F2RL1: variants seen among roughly 807,000 people sequenced by gnomAD.
F2RL1 encodes the protein proteinase-activated receptor 2.
In F2RL1, 16 loss-of-function variants were observed where a neutral mutation model predicts 21.7. The observed-to-expected ratio is 0.74, with a 90% confidence interval of 0.50 to 1.12. F2RL1 has a LOEUF of 1.12. Among genes scored for constraint, F2RL1 ranks in the 50% most tolerant of loss-of-function variants. The pLI is 0.00. For synonymous variants in F2RL1, 181 were observed against 186.7 expected, an observed-to-expected ratio of 0.97 and a Z score of 0.25; for missense variants, 432 against 477.8, an observed-to-expected ratio of 0.90 and a Z score of 0.89.
At chr5:76,821,720 C>G (rs377501621) in intron 1 of F2RL1, among the ~76,000 whole-genome samples, 1 of 151,526 alleles carries the variant, frequency 6.6e-6, no homozygotes, top group African/African-American at 2.4e-5. Context: ...GCTGGGACGA[C>G]AGGCACGCAC....
At chr5:76,832,633 G>T (rs1441914703) in intron 1 of F2RL1, 57 bp from the exon 2 acceptor site, 4 of 1,466,332 alleles carry the variant, frequency 2.7e-6, no homozygotes, top group Non-Finnish European at 2.8e-6. Context: ...GAACAAACCA[G>T]TGTTACTGCT....
intron 1 of F2RL1, among the ~76,000 whole-genome samples, chr5:76,823,540 A>C (rs2243026): frequency 6.6e-6 from 1 of 151,390 alleles, no homozygotes; most frequent in Non-Finnish European, 1.5e-5. Context: ...CAACACCTCC[A>C]GCTAATTTTT....
intron 1 of F2RL1, among the ~76,000 whole-genome samples, chr5:76,819,608 G>A (rs1222635498): frequency 1.3e-5 from 2 of 152,160 alleles, no homozygotes; most frequent in African/African-American, 4.8e-5. Flanking sequence ...TGTCTAAAGG[G>A]TACGCAGAGG....
At chr5:76,821,672 C>T (rs939355397) in intron 1 of F2RL1, among the ~76,000 whole-genome samples, 4 of 151,086 alleles carry the variant, frequency 2.6e-5, no homozygotes, top group Non-Finnish European at 5.9e-5. Context: ...CCACCTCTCC[C>T]GGGCTCAAGG....
At chr5:76,823,157 G>C (rs552220157) in intron 1 of F2RL1, among the ~76,000 whole-genome samples, 97 of 151,570 alleles carry the variant, frequency 6.4e-4, no homozygotes, top group South Asian at 1.2e-3. Context: ...GTGAACCCGG[G>C]AGGTCGAGCT....
Position 76,833,139 on chromosome 5 carries a change from G to A in F2RL1, c.532G>A (p.Val178Met), listed in dbSNP as rs780301991. ...CAGTGTGCAGAGGTATTGGGTCATCGTGAACCCCATGGGGCACTCCAGGAA... is the reference window on the plus strand; with the variant it reads ...CAGTGTGCAGAGGTATTGGGTCATCATGAACCCCATGGGGCACTCCAGGAA... ...CLSVQRYWVIVNPMGHSRKKA... is the reference protein window; with the variant it reads ...CLSVQRYWVIMNPMGHSRKKA... The change falls in exon 2 of 2, where the codon GTG becomes ATG. Residue 178 changes from valine (V) to methionine (M), a missense_variant. Coordinates refer to ENST00000296677, the MANE Select transcript of F2RL1 (RefSeq NM_005242.6). 16 of 1,614,038 alleles carry A rather than the reference G, an allele frequency of 9.9e-6. No individual in the cohort carries two copies. The highest frequency in any genetic ancestry group is 5.3e-5 in the African/African-American group (4 of 74,918).
chr5:76,820,613 G>A (rs1416142836), intron 1 of F2RL1, among the ~76,000 whole-genome samples: 1 of 152,094 alleles, frequency 6.6e-6, no homozygotes, highest in South Asian at 2.1e-4. Flanking sequence ...TAAAATTCAG[G>A]AGCAAAGGTT....
intron 1 of F2RL1, among the ~76,000 whole-genome samples, chr5:76,825,505 G>T (rs1003008276): frequency 4.6e-5 from 7 of 152,170 alleles, no homozygotes; most frequent in Non-Finnish European, 1.0e-4. Context: ...ACACACTTGG[G>T]CAATAATTGT....
intron 1 of F2RL1, among the ~76,000 whole-genome samples, chr5:76,823,733 G>A (rs180873919): frequency 2.1e-4 from 32 of 151,270 alleles, no homozygotes; most frequent in African/African-American, 6.8e-4. Context: ...GGAGCATACC[G>A]TACTGTACAT....
chr5:76,823,978 A>G (rs932118796), intron 1 of F2RL1, among the ~76,000 whole-genome samples: 1 of 151,348 alleles, frequency 6.6e-6, no homozygotes, highest in Non-Finnish European at 1.5e-5. Context: ...ATGCCCGGCT[A>G]ATTTTTTGTA....
At chr5:76,829,105 G>A (rs1217455946) in intron 1 of F2RL1, among the ~76,000 whole-genome samples, 2 of 147,778 alleles carry the variant, frequency 1.4e-5, no homozygotes, top group African/African-American at 5.2e-5. Context: ...GACAGAGTAA[G>A]ACTCCATCTC....
chr5:76,832,330 C>T (rs1750363691), intron 1 of F2RL1, among the ~76,000 whole-genome samples: 1 of 152,084 alleles, frequency 6.6e-6, no homozygotes, highest in African/African-American at 2.4e-5. Context: ...TGAGGCTGGG[C>T]TCAGTGGCTC....
intron 1 of F2RL1, among the ~76,000 whole-genome samples, chr5:76,822,868 T>C (rs932471140): frequency 6.6e-6 from 1 of 152,068 alleles, no homozygotes; most frequent in Non-Finnish European, 1.5e-5. Context: ...GCAAGTAAAG[T>C]GCTTGTTTTA....
chr5:76,833,044 C>T lies in F2RL1; in HGVS notation c.437C>T (p.Ala146Val). ...GGCAACAACTGGATTTATGGGGAAG[C>T]TCTTTGTAATGTGCTTATTGGCTTT... ...IHGNNWIYGE[A>V]LCNVLIGFFY... is the part of the protein sequence containing the mutation. The change falls in exon 2 of 2, where the codon GCT (alanine) becomes GTT (valine). Residue 146 changes from alanine to valine, a missense_variant. Transcript: ENST00000296677. 1 of 1,614,184 alleles carries T rather than the reference C, an allele frequency of 6.2e-7. No homozygotes were observed. Among genetic ancestry groups the T allele is most frequent in the Non-Finnish European group, 8.5e-7 (1 of 1,180,016 alleles).
intron 1 of F2RL1, among the ~76,000 whole-genome samples, chr5:76,828,261 G>A (rs1483029467): frequency 6.6e-6 from 1 of 152,052 alleles, no homozygotes; most frequent in Non-Finnish European, 1.5e-5. Context: ...GAGCTACTCT[G>A]CCCAGCCGTG....
chr5:76,821,446 A>G (rs1750134540), intron 1 of F2RL1, among the ~76,000 whole-genome samples: 1 of 152,068 alleles, frequency 6.6e-6, no homozygotes, highest in Non-Finnish European at 1.5e-5. Context: ...TGTTCATTTC[A>G]GTCAGCTTCT....
chr5:76,833,835 AG>A lies in F2RL1; in HGVS notation c.*36del, dbSNP rs569299379. 11 of 1,593,338 alleles carry A rather than the reference AG, an allele frequency of 6.9e-6. No individual in the cohort carries two copies. Among genetic ancestry groups the A allele is most frequent in the Non-Finnish European group, 9.4e-6 (11 of 1,168,332 alleles). ...GGTCCTCAGATGGGAATTGCACAGT[AG>A]GATGTGGAACCTGTTTAATGTTATG... On this transcript the variant is annotated 3_prime_UTR_variant, in exon 2 of 2. Transcript: ENST00000296677.
Position 76,833,553 on chromosome 5 carries a change from A to G in F2RL1, c.946A>G (p.Ser316Gly). The change falls in exon 2 of 2, where the codon AGC (serine) becomes GGC (glycine). Residue 316 changes from serine (S) to glycine (G), a missense_variant. Transcript: ENST00000296677. Reference protein sequence around the residue: ...LLVVHYFLIKSQGQSHVYALY... With the variant: ...LLVVHYFLIKGQGQSHVYALY... Reference sequence around the variant, plus strand: ...TGTGGTGCATTATTTTCTGATTAAGAGCCAGGGCCAGAGCCATGTCTATGC... The same window carrying G: ...TGTGGTGCATTATTTTCTGATTAAGGGCCAGGGCCAGAGCCATGTCTATGC... The G allele has an allele frequency of 6.2e-7, 1 of 1,613,576 alleles. No homozygotes were observed. Among genetic ancestry groups the G allele is most frequent in the Non-Finnish European group, 8.5e-7 (1 of 1,179,956 alleles).
At chr5:76,831,589 A>G (rs1750349362) in intron 1 of F2RL1, among the ~76,000 whole-genome samples, 1 of 143,018 alleles carries the variant, frequency 7.0e-6, no homozygotes, top group Non-Finnish European at 1.5e-5. Context: ...GCTGAAGTGC[A>G]GTGGCATGAT....
Sources: allele counts gnomAD v4.1 joint callset (sites outside exome capture counted in the v4.1 genomes callset), GRCh38; gene constraint gnomAD v4.1.1; transcripts MANE v1.5; gene names NCBI Gene and HGNC (gene_info 2026-07-23, HGNC 2026-07-21).